The following TSNAXIP1 variants were observed in gnomAD, a reference collection of about 807,000 sequenced individuals.
The protein encoded by TSNAXIP1 is translin-associated factor X-interacting protein 1.
In TSNAXIP1, 89 loss-of-function variants were observed where a neutral mutation model predicts 84.8. The ratio of observed to expected loss-of-function variants is 1.05; its 90% CI spans 0.88 to 1.25. The LOEUF (loss-of-function observed/expected upper bound fraction) is 1.25. Ranked by LOEUF, TSNAXIP1 falls within the 50% of genes most tolerant of loss-of-function variation. The pLI, the probability that TSNAXIP1 is intolerant of heterozygous loss-of-function variation, is 0.00. For missense variants in TSNAXIP1, 874 were observed against 887.6 expected, an observed-to-expected ratio of 0.98 and a Z score of 0.20; for synonymous variants, 347 against 335.2, an observed-to-expected ratio of 1.04 and a Z score of -0.39.
intron 1 of TSNAXIP1, among the ~76,000 whole-genome samples, chr16:67,812,390 G>A (rs543593353): frequency 5.3e-5 from 8 of 151,962 alleles, no homozygotes; most frequent in East Asian, 1.9e-4. Flanking sequence ...AAAATAGGCC[G>A]GGCACGGTGG....
rs954050094 is a variant in TSNAXIP1, at chr16:67,813,387, A to T, written c.48-915A>T. Reference sequence around the variant, plus strand: ...GGGTGACAGAGTGAGACTGCATCTCAAAATAAATAAATAAATAAAATAAAC... The same window carrying T: ...GGGTGACAGAGTGAGACTGCATCTCTAAATAAATAAATAAATAAAATAAAC... On this transcript the variant is annotated intron_variant, in intron 1 of 15. Coordinates refer to ENST00000561639, the MANE Select transcript of TSNAXIP1 (RefSeq NM_001288990.3). Among the ~76,000 whole-genome samples, 3 of 151,828 alleles carry T rather than the reference A, an allele frequency of 2.0e-5. No individual in the cohort carries two copies. In the East Asian group the frequency reaches 5.8e-4, roughly 29 times the overall value.
intron 2 of TSNAXIP1, among the ~76,000 whole-genome samples, chr16:67,814,657 G>A (rs1287918749): frequency 1.3e-5 from 2 of 152,088 alleles, no homozygotes; most frequent in Non-Finnish European, 2.9e-5. Flanking sequence ...GAGAGAACTC[G>A]CCTCTGCCCA....
At chr16:67,827,140 C>A in intron 13 of TSNAXIP1, 68 bp downstream of exon 13, 1 of 1,605,134 alleles carries the variant, frequency 6.2e-7, no homozygotes, top group Admixed American at 1.7e-5. Flanking sequence ...GGAAAAGGGG[C>A]ACCTGGTGGG....
At chr16:67,819,244 C>CTT (rs531351666) in intron 2 of TSNAXIP1, among the ~76,000 whole-genome samples, 19 of 137,406 alleles carry the variant, frequency 1.4e-4, no homozygotes, top group African/African-American at 3.5e-4. Flanking sequence ...TTTTGATAGT[C>CTT]TTTTTTTTTT....
At chr16:67,825,861 G>A (rs775414312) in intron 8 of TSNAXIP1, 25 bp downstream of exon 8, 8 of 1,613,974 alleles carry the variant, frequency 5.0e-6, no homozygotes, top group Non-Finnish European at 6.8e-6. Context: ...GCAGGGCCAG[G>A]AGGGTAGGAC....
At chr16:67,810,574 A>T (rs1355272055) in intron 1 of TSNAXIP1, among the ~76,000 whole-genome samples, 1 of 151,826 alleles carries the variant, frequency 6.6e-6, no homozygotes, top group Non-Finnish European at 1.5e-5. Context: ...AGCCGAGGTC[A>T]TGCTACTACA....
chr16:67,825,144 AACTGAG>A lies in TSNAXIP1; in HGVS notation c.687_692del (p.Leu230_Arg231del). Reference sequence around the variant, plus strand: ...CAGCCACCTTCTTGCCAGGTGACCAAACTGAGGAAGAACTTGGCTGAGGAGTACCTG... The same window carrying A: ...CAGCCACCTTCTTGCCAGGTGACCAAGAAGAACTTGGCTGAGGAGTACCTG... On this transcript the variant is annotated inframe_deletion, in exon 7 of 16. Coordinates refer to ENST00000561639, the MANE Select transcript of TSNAXIP1 (RefSeq NM_001288990.3). 1 of 1,613,908 alleles carries A rather than the reference AACTGAG, an allele frequency of 6.2e-7. No individual in the cohort carries two copies. Among genetic ancestry groups the A allele is most frequent in the East Asian group, 2.2e-5 (1 of 44,884 alleles).
Position 67,824,785 on chromosome 16 carries a change from T to C in TSNAXIP1, c.678+6T>C, listed in dbSNP as rs757565846. 6 of 1,612,466 alleles carry C rather than the reference T, an allele frequency of 3.7e-6. No individual in the cohort carries two copies. Among genetic ancestry groups the C allele is most frequent in the African/African-American group, 2.7e-5 (2 of 74,970 alleles). ...AGATTTCATTGCAGAGCGAGGTGAA[T>C]GGAAGTGGTGTGATGATGACCAAGT... On this transcript the variant is annotated splice_donor_region_variant and intron_variant, in intron 6 of 15. Transcript: ENST00000561639.
At position 67,825,422 on chromosome 16, in the gene TSNAXIP1, G is replaced by A. The variant is rs563050106; in HGVS notation, c.814+150G>A. On this transcript the variant is annotated intron_variant, in intron 7 of 15. Coordinates refer to ENST00000561639, the MANE Select transcript of TSNAXIP1 (RefSeq NM_001288990.3). The stretch of plus-strand genomic sequence containing the variant: ...AGATGTCCCTGCCTCCCGCAGGGCT[G>A]TGTATCTTCTGAGTTGAACTGAGAA... 2.4e-6 allele frequency: 3 copies of A among 1,225,842 alleles called. No individual in the cohort carries two copies. The South Asian group carries it at 4.5e-5, about 18-fold the overall frequency. 75.9% of individuals were successfully genotyped at this position (1,225,842 alleles called of 1,614,324 possible).
At position 67,807,126 on chromosome 16, in the gene TSNAXIP1, T is replaced by C. The variant is rs1385737819; in HGVS notation, c.-24T>C. 8 of 1,534,056 alleles carry C rather than the reference T, an allele frequency of 5.2e-6. No individual in the cohort carries two copies. The highest frequency in any genetic ancestry group is 1.2e-5 in the South Asian group (1 of 83,978). On this transcript the variant is annotated 5_prime_UTR_variant, in exon 1 of 16. Transcript: ENST00000561639. ...CCACAGCTTCCCAGGCCGCGGGTGCTGATTGCCCGCCTGCCCGTGGGTCAT... is the reference window on the plus strand; with the variant it reads ...CCACAGCTTCCCAGGCCGCGGGTGCCGATTGCCCGCCTGCCCGTGGGTCAT...
chr16:67,809,307 A>T (rs2055815152), intron 1 of TSNAXIP1, among the ~76,000 whole-genome samples: 1 of 148,292 alleles, frequency 6.7e-6, no homozygotes, highest in Non-Finnish European at 1.5e-5. Flanking sequence ...GTCTCTACTA[A>T]AAATACAAAA....
chr16:67,812,495 A>G (rs559343258), intron 1 of TSNAXIP1, among the ~76,000 whole-genome samples: 4 of 150,216 alleles, frequency 2.7e-5, no homozygotes, highest in Non-Finnish European at 5.9e-5. Flanking sequence ...GTGAAACTCT[A>G]TCTCTACTAA....
chr16:67,826,851 TGGGGC>T lies in TSNAXIP1; in HGVS notation c.1554+8_1554+12del. On this transcript the variant is annotated splice_region_variant and intron_variant, in intron 12 of 15. Coordinates refer to ENST00000561639, the MANE Select transcript of TSNAXIP1 (RefSeq NM_001288990.3). ...TGCAGTCTTGATGGGAAAGGTGAGC[TGGGGC>T]CTATTCCCCTTGGGGAGACTGAGAG... 1 of 1,613,168 alleles carries T rather than the reference TGGGGC, an allele frequency of 6.2e-7. No homozygotes were observed. The highest frequency in any genetic ancestry group is 1.1e-5 in the South Asian group (1 of 91,046).
At chr16:67,827,216 A>C (rs1567781895) in intron 13 of TSNAXIP1, 33 bp from the exon 14 acceptor site, 1 of 1,613,352 alleles carries the variant, frequency 6.2e-7, no homozygotes, top group African/African-American at 1.3e-5. Flanking sequence ...AGGCCTCAGC[A>C]GGTCCCTGTT....
intron 4 of TSNAXIP1, among the ~76,000 whole-genome samples, chr16:67,822,688 T>C (rs1460105621): frequency 2.0e-5 from 3 of 152,160 alleles, no homozygotes; most frequent in Admixed American, 2.0e-4. Context: ...TTTGACTTAG[T>C]CATTGACTAA....
rs1483858060 is a variant in TSNAXIP1 at position 67,826,446 on chromosome 16, G to A, written c.1285G>A (p.Glu429Lys). Reference sequence around the variant, plus strand: ...ATATCCTCCCTCCTAGGGCTATGGGGAAGCCATCCCTGCTTTTCTTCGGTT... The same window carrying A: ...ATATCCTCCCTCCTAGGGCTATGGGAAAGCCATCCCTGCTTTTCTTCGGTT... Reference protein sequence around the residue: ...KDFFPGLGYGEAIPAFLRFDG... With the variant: ...KDFFPGLGYGKAIPAFLRFDG... Residue 429 changes from glutamate (E) to lysine (K), a missense_variant, in exon 11 of 16, where the codon GAA (glutamate) becomes AAA (lysine). Transcript: ENST00000561639. The A allele has an allele frequency of 1.9e-6, 3 of 1,613,612 alleles. No homozygotes were observed. The highest frequency in any genetic ancestry group is 1.7e-4 in the Middle Eastern group (1 of 5,738).
chr16:67,817,154 T>G (rs1305381831), intron 2 of TSNAXIP1, among the ~76,000 whole-genome samples: 3 of 149,824 alleles, frequency 2.0e-5, no homozygotes, highest in Admixed American at 6.6e-5. Context: ...TTTTTTTTTG[T>G]TTTTTGTTTT....
chr16:67,811,436 C>CTTTTTTTTT lies in TSNAXIP1; in HGVS notation c.48-2851_48-2843dup, dbSNP rs1190285857. Among the ~76,000 whole-genome samples, 160 of 101,972 alleles carry CTTTTTTTTT rather than the reference C, an allele frequency of 1.6e-3. 22 individuals are homozygous for CTTTTTTTTT. The highest frequency in any genetic ancestry group is 6.1e-3 in the African/African-American group (138 of 22,710). 66.9% of individuals were successfully genotyped at this position (101,972 alleles called of 152,430 possible). ...AACAGAGTTTGGAGAATTGATTAGT[C>CTTTTTTTTT]TTTTTTTTTTTTTTTTTTTTTTTGA... On this transcript the variant is annotated intron_variant, in intron 1 of 15. Transcript: ENST00000561639.
intron 2 of TSNAXIP1, among the ~76,000 whole-genome samples, chr16:67,819,645 CTTTT>C (rs886107623): frequency 8.3e-5 from 11 of 132,452 alleles, no homozygotes; most frequent in East Asian, 4.3e-4. Flanking sequence ...TGCTTTCCCT[CTTTT>C]TTTTTTTTTT....
Sources: gnomAD v4.1 joint callset for allele counts (sites outside exome capture counted in the v4.1 genomes callset) on GRCh38, gnomAD v4.1.1 for gene constraint, MANE v1.5 for transcripts, NCBI Gene and HGNC (gene_info 2026-07-23, HGNC 2026-07-21) for gene names.